SUGCT: variants seen among roughly 807,000 people sequenced by gnomAD.
SUGCT encodes the protein succinyl-CoA:glutarate-CoA transferase.
SUGCT carries 41 observed loss-of-function variants against 55.0 expected under a neutral mutation model. The ratio of observed to expected loss-of-function variants is 0.74; its 90% CI spans 0.58 to 0.97. The LOEUF (loss-of-function observed/expected upper bound fraction) is 0.97. Among genes scored for constraint, SUGCT ranks in the 50% least tolerant of loss-of-function variants. The pLI is 0.00. For missense variants in SUGCT, 568 were observed against 547.8 expected (o/e 1.04, Z -0.37); for synonymous variants, 187 against 200.4 (o/e 0.93, Z 0.56).
At chr7:40,673,271 C>T (rs1802030478) in intron 12 of SUGCT, among the ~76,000 whole-genome samples, 1 of 152,094 alleles carries the variant, frequency 6.6e-6, no homozygotes, top group African/African-American at 2.4e-5. Context: ...CTCATCTTTG[C>T]CCCTTAATCA....
intron 12 of SUGCT, among the ~76,000 whole-genome samples, chr7:40,735,792 C>A (rs1433888412): frequency 1.3e-5 from 2 of 152,012 alleles, no homozygotes; most frequent in South Asian, 4.1e-4. Flanking sequence ...CTGTTTTGAC[C>A]ATGGTTCTTG....
intron 13 of SUGCT, among the ~76,000 whole-genome samples, chr7:40,790,733 G>C (rs1461968741): frequency 6.6e-6 from 1 of 152,096 alleles, no homozygotes; most frequent in African/African-American, 2.4e-5. Context: ...AAACATTTGA[G>C]ATATTATCAA....
chr7:40,804,325 G>A (rs1307535770), intron 13 of SUGCT, among the ~76,000 whole-genome samples: 1 of 152,088 alleles, frequency 6.6e-6, no homozygotes, highest in Non-Finnish European at 1.5e-5. Context: ...ATAATAGAAT[G>A]CAAGTTTCAT....
chr7:40,204,340 T>C (rs1392461863), intron 6 of SUGCT, among the ~76,000 whole-genome samples: 1 of 150,772 alleles, frequency 6.6e-6, no homozygotes, highest in Non-Finnish European at 1.5e-5. Flanking sequence ...TCTTGCTCTG[T>C]CACCCAGGCT....
chr7:40,389,768 C>G (rs748646456), intron 9 of SUGCT, among the ~76,000 whole-genome samples: 2 of 152,166 alleles, frequency 1.3e-5, no homozygotes, highest in Non-Finnish European at 2.9e-5. Context: ...TGCACTACTC[C>G]TAACTACTGC....
intron 12 of SUGCT, among the ~76,000 whole-genome samples, chr7:40,631,139 A>G (rs939868373): frequency 6.6e-5 from 10 of 152,146 alleles, no homozygotes; most frequent in Admixed American, 5.2e-4. Context: ...GAACAAACAT[A>G]TGAAAACAGG....
At chr7:40,564,730 T>C (rs1796031961) in intron 12 of SUGCT, among the ~76,000 whole-genome samples, 1 of 152,200 alleles carries the variant, frequency 6.6e-6, no homozygotes, top group Admixed American at 6.5e-5. Context: ...GACTGTCTTC[T>C]AGGAGGGGCT....
At chr7:40,995,366 G>C in the SUGCT span, among the ~76,000 whole-genome samples, 2 of 129,828 alleles carry the variant, frequency 1.5e-5, no homozygotes, top group Non-Finnish European at 3.2e-5. Flanking sequence ...TCAGCACTTG[G>C]TATCCTATAA....
At chr7:40,878,498 C>T in the SUGCT span, among the ~76,000 whole-genome samples, 1 of 152,154 alleles carries the variant, frequency 6.6e-6, no homozygotes, top group Non-Finnish European at 1.5e-5. Flanking sequence ...GCTGAAAAGC[C>T]CTAGATGCTA....
intron 6 of SUGCT, among the ~76,000 whole-genome samples, chr7:40,215,387 C>T (rs2150805936): frequency 6.6e-6 from 1 of 152,216 alleles, no homozygotes; most frequent in South Asian, 2.1e-4. Context: ...CTCCTAGGCT[C>T]AAGTGGCCCA....
intron 12 of SUGCT, among the ~76,000 whole-genome samples, chr7:40,534,043 G>A (rs1233794141): frequency 6.6e-6 from 1 of 152,150 alleles, no homozygotes; most frequent in African/African-American, 2.4e-5. Context: ...GTTTGTGTGT[G>A]TTAATGGCAT....
At chr7:40,938,214 G>T in the SUGCT span, among the ~76,000 whole-genome samples, 1 of 152,134 alleles carries the variant, frequency 6.6e-6, no homozygotes, top group Non-Finnish European at 1.5e-5. Context: ...TGATTGGCAT[G>T]ATTACTTTAT....
intron 13 of SUGCT, among the ~76,000 whole-genome samples, chr7:40,813,607 T>G (rs569284836): frequency 3.3e-5 from 5 of 152,202 alleles, no homozygotes; most frequent in Admixed American, 1.3e-4. Context: ...TATGGGTGTG[T>G]AAGATAGCCT....
chr7:40,276,890 T>C (rs1584539352), intron 8 of SUGCT, among the ~76,000 whole-genome samples: 2 of 152,254 alleles, frequency 1.3e-5, no homozygotes, highest in Middle Eastern at 6.8e-3. Flanking sequence ...ATTCTATGAC[T>C]GCTGGCACAA....
At chr7:41,031,451 C>T in the SUGCT span, among the ~76,000 whole-genome samples, 1 of 152,278 alleles carries the variant, frequency 6.6e-6, no homozygotes, top group African/African-American at 2.4e-5. Flanking sequence ...GGAATTGTCT[C>T]AACTGATTGA....
chr7:40,541,471 T>C (rs1794675504), intron 12 of SUGCT, among the ~76,000 whole-genome samples: 1 of 152,226 alleles, frequency 6.6e-6, no homozygotes, highest in Admixed American at 6.5e-5. Flanking sequence ...TATGAACATA[T>C]TCATTTCTGG....
intron 11 of SUGCT, among the ~76,000 whole-genome samples, chr7:40,472,157 G>A (rs1180975748): frequency 2.0e-5 from 3 of 152,032 alleles, no homozygotes; most frequent in Non-Finnish European, 4.4e-5. Flanking sequence ...TTAGTGACTC[G>A]ATAATTCTAT....
At chr7:40,289,028 G>A (rs879884694) in intron 8 of SUGCT, among the ~76,000 whole-genome samples, 13 of 152,080 alleles carry the variant, frequency 8.5e-5, no homozygotes, top group Non-Finnish European at 1.8e-4. Context: ...CCACTACTAT[G>A]TCTCTTTCCT....
At chr7:40,533,568 T>C (rs1396549780) in intron 12 of SUGCT, among the ~76,000 whole-genome samples, 2 of 152,148 alleles carry the variant, frequency 1.3e-5, no homozygotes, top group East Asian at 3.8e-4. Context: ...GAACTACTTC[T>C]AATTTTGAAG....
Sources: allele counts gnomAD v4.1 joint callset (sites outside exome capture counted in the v4.1 genomes callset), GRCh38; gene constraint gnomAD v4.1.1; transcripts MANE v1.5; gene names NCBI Gene and HGNC (gene_info 2026-07-23, HGNC 2026-07-21).